DOCK3: variants seen among roughly 807,000 people sequenced by gnomAD.
The protein encoded by DOCK3 is dedicator of cytokinesis protein 3.
DOCK3 carries 60 observed loss-of-function variants against 265.6 expected under a neutral mutation model. The observed-to-expected ratio is 0.23, with a 90% CI of 0.18 to 0.28. The LOEUF (loss-of-function observed/expected upper bound fraction) is 0.28. DOCK3 is among the 10% of genes least tolerant of loss of function. DOCK3 has a pLI of 1.00. For synonymous variants in DOCK3, 881 were observed against 938.0 expected, an observed-to-expected ratio of 0.94 and a Z score of 1.11; for missense variants, 1,981 against 2,594.3, an observed-to-expected ratio of 0.76 and a Z score of 5.14.
chr3:51,350,246 C>T (rs764655879), intron 39 of DOCK3, 42 bp from the exon 40 acceptor site: 4 of 1,559,938 alleles, frequency 2.6e-6, no homozygotes, highest in Non-Finnish European at 3.5e-6. Flanking sequence ...CTTTGGATAC[C>T]AACAGCAGTC....
intron 3 of DOCK3, among the ~76,000 whole-genome samples, chr3:50,873,774 A>C (rs988946653): frequency 1.3e-5 from 2 of 152,162 alleles, no homozygotes; most frequent in Admixed American, 1.3e-4. Context: ...TGCTTTCTTC[A>C]TGGGCACACA....
chr3:51,007,827 C>T (rs2078746702), intron 5 of DOCK3, among the ~76,000 whole-genome samples: 1 of 152,172 alleles, frequency 6.6e-6, no homozygotes, highest in Admixed American at 6.5e-5. Context: ...CCAGTTTCAG[C>T]TTTCTACATA....
chr3:51,186,129 C>T (rs1276087060), intron 12 of DOCK3, among the ~76,000 whole-genome samples: 1 of 152,176 alleles, frequency 6.6e-6, no homozygotes, highest in African/African-American at 2.4e-5. Flanking sequence ...TTCCTGTAGA[C>T]TTGTTGAATG....
At chr3:50,882,593 C>T (rs575871931) in intron 3 of DOCK3, among the ~76,000 whole-genome samples, 3 of 152,118 alleles carry the variant, frequency 2.0e-5, no homozygotes, top group Admixed American at 6.6e-5. Context: ...GTTAGAATGG[C>T]GATCATTAAA....
intron 1 of DOCK3, among the ~76,000 whole-genome samples, chr3:50,697,752 A>G (rs1482670467): frequency 6.6e-6 from 1 of 152,280 alleles, no homozygotes; most frequent in East Asian, 1.9e-4. Flanking sequence ...GCTCATCATT[A>G]TGATTATAAT....
intron 1 of DOCK3, among the ~76,000 whole-genome samples, chr3:50,717,477 A>ATG (rs1576213703): frequency 6.6e-6 from 1 of 152,222 alleles, no homozygotes; most frequent in East Asian, 1.9e-4. Context: ...GTATATATGT[A>ATG]TGTGTGTATA....
chr3:51,315,965 A>T (rs1165185217), intron 32 of DOCK3, among the ~76,000 whole-genome samples: 3 of 152,216 alleles, frequency 2.0e-5, no homozygotes, highest in African/African-American at 7.2e-5. Context: ...TAACAGTGAG[A>T]AGTAGACCAG....
intron 27 of DOCK3, among the ~76,000 whole-genome samples, chr3:51,309,357 G>A (rs1030342196): frequency 9.8e-5 from 15 of 152,332 alleles, no homozygotes; most frequent in African/African-American, 3.1e-4. Flanking sequence ...CGAGGCTGGC[G>A]GATCACTTGC....
At chr3:51,343,768 A>G (rs7633708) in intron 38 of DOCK3, among the ~76,000 whole-genome samples, 113,142 of 152,072 alleles carry the variant, frequency 0.74, 43,061 homozygotes, top group Middle Eastern at 0.86. Context: ...TAGACAACAC[A>G]ATCTCCCTTG....
At chr3:51,168,804 A>G (rs1393741497) in intron 12 of DOCK3, among the ~76,000 whole-genome samples, 1 of 152,204 alleles carries the variant, frequency 6.6e-6, no homozygotes, top group Non-Finnish European at 1.5e-5. Context: ...TAAACAGAGA[A>G]CCTATAGAAA....
At chr3:51,311,866 T>C in intron 28 of DOCK3, 138 bp from the exon 29 acceptor site, 1 of 585,212 alleles carries the variant, frequency 1.7e-6, no homozygotes, top group Non-Finnish European at 2.9e-6. Flanking sequence ...CATTTTCTCT[T>C]TCCTTTATAG....
intron 15 of DOCK3, 70 bp from the exon 16 acceptor site, chr3:51,227,213 G>A: frequency 5.1e-6 from 8 of 1,563,218 alleles, no homozygotes; most frequent in Non-Finnish European, 5.2e-6. Context: ...AAAGAAAAGT[G>A]TCCTAGTGAC....
intron 12 of DOCK3, among the ~76,000 whole-genome samples, chr3:51,179,010 G>A (rs4244697): frequency 0.91 from 138,864 of 152,248 alleles, 63,471 homozygotes; most frequent in African/African-American, 0.96. Context: ...TTGCTCTCTT[G>A]CCTTTAAATA....
At chr3:51,372,939 G>C (rs1418456465) in intron 49 of DOCK3, among the ~76,000 whole-genome samples, 1 of 152,168 alleles carries the variant, frequency 6.6e-6, no homozygotes, top group East Asian at 1.9e-4. Flanking sequence ...AGCAATTCAG[G>C]TCGAGTTTTA....
chr3:51,351,396 G>A (rs2085967594), intron 40 of DOCK3, among the ~76,000 whole-genome samples: 1 of 152,150 alleles, frequency 6.6e-6, no homozygotes, highest in Non-Finnish European at 1.5e-5. Flanking sequence ...AGGTCAACCG[G>A]GCTTAATAGC....
chr3:51,013,129 A>G lies in DOCK3; in HGVS notation c.316-51319A>G, dbSNP rs2079017939. Among the ~76,000 whole-genome samples the G allele has an allele frequency of 4.6e-5, 7 of 152,242 alleles. No homozygotes were observed. In the South Asian group the frequency reaches 1.5e-3, roughly 32 times the overall value. On this transcript the variant is annotated intron_variant, in intron 5 of 52. Transcript: ENST00000266037. Reference sequence around the variant, plus strand: ...ACCTTGGAGAAGTTTGTTATTACCGACTTTCTGAAGCCTACTTCTGTCACC... The same window carrying G: ...ACCTTGGAGAAGTTTGTTATTACCGGCTTTCTGAAGCCTACTTCTGTCACC...
chr3:51,311,644 A>G (rs981946364), intron 28 of DOCK3, among the ~76,000 whole-genome samples: 4 of 152,242 alleles, frequency 2.6e-5, no homozygotes, highest in African/African-American at 9.6e-5. Context: ...CCAAAATACT[A>G]GAACTACTCT....
chr3:50,862,477 G>A (rs1480057073), intron 3 of DOCK3, among the ~76,000 whole-genome samples: 1 of 152,072 alleles, frequency 6.6e-6, no homozygotes, highest in African/African-American at 2.4e-5. Context: ...GCCTTGATGT[G>A]GGGTTGGTGG....
At chr3:50,948,399 A>ATTTTT (rs2076495017) in intron 5 of DOCK3, among the ~76,000 whole-genome samples, 2 of 88,028 alleles carry the variant, frequency 2.3e-5, no homozygotes, top group African/African-American at 8.3e-5. Context: ...TGAAGTTTTA[A>ATTTTT]TCTTTTTTTT....
Sources: gnomAD v4.1 joint callset for allele counts (sites outside exome capture counted in the v4.1 genomes callset) on GRCh38, gnomAD v4.1.1 for gene constraint, MANE v1.5 for transcripts, NCBI Gene and HGNC (gene_info 2026-07-23, HGNC 2026-07-21) for gene names.